Variants in CCDC88A observed in about 807,000 individuals in gnomAD.
CCDC88A encodes girdin.
CCDC88A carries 54 observed loss-of-function variants against 234.3 expected under a neutral mutation model. The ratio of observed to expected loss-of-function variants is 0.23; its 90% CI spans 0.19 to 0.29. The LOEUF (loss-of-function observed/expected upper bound fraction) is 0.29. Ranked by LOEUF, CCDC88A falls within the 10% of genes least tolerant of loss-of-function variation. CCDC88A has a pLI of 1.00. For missense variants in CCDC88A, 1,832 were observed against 2,123.4 expected (o/e 0.86, Z 2.70); for synonymous variants, 753 against 737.8 (o/e 1.02, Z -0.33).
At chr2:55,312,774 T>C (rs1682487575) in intron 22 of CCDC88A, 195 bp from the exon 23 acceptor site, 2 of 404,258 alleles carry the variant, frequency 4.9e-6, no homozygotes, top group African/African-American at 2.0e-5. Context: ...TCTCTCTATA[T>C]AAATATTTTC....
chr2:55,318,729 C>T lies in CCDC88A; in HGVS notation c.3324+114G>A, dbSNP rs527502394. On this transcript the variant is annotated intron_variant, in intron 19 of 32. Coordinates refer to ENST00000436346, the MANE Select transcript of CCDC88A (RefSeq NM_001365480.1). ...GCATGGCACTAAATAAAAATATTTT[C>T]ATTTATCTTTAAGTTCATTCACTAA... is the stretch of plus-strand genomic sequence containing the variant. 9.9e-6 allele frequency: 8 copies of T among 807,588 alleles called. No homozygotes were observed. The Admixed American group carries it at 1.5e-4, about 15-fold the overall frequency. 50.0% of individuals were successfully genotyped at this position (807,588 alleles called of 1,614,324 possible).
chr2:55,404,253 T>G (rs1679188527), intron 2 of CCDC88A: 1 of 152,208 alleles, frequency 6.6e-6, no homozygotes, highest in Non-Finnish European at 1.5e-5. Flanking sequence ...TCATAGAAAC[T>G]TACCTTAAGT....
In CCDC88A at chr2:55,288,477, C is replaced by A. The variant is rs1679216730; in HGVS notation, c.*2723G>T. On this transcript the variant is annotated 3_prime_UTR_variant, in exon 33 of 33. Transcript: ENST00000436346. ...ATTTGGTACAGTATCTTTTTCATTT[C>A]CTGACATAAACCATTAAGACAGCAC... The A allele has an allele frequency of 6.6e-6, 1 of 152,618 alleles. No individual in the cohort carries two copies. The highest frequency in any genetic ancestry group is 6.5e-5 in the Admixed American group (1 of 15,278). 9.5% of individuals were successfully genotyped at this position (152,618 alleles called of 1,614,324 possible). A position where few individuals can be genotyped will look rare whatever the true frequency, so the allele number is the denominator to read the frequency against.
In CCDC88A at chr2:55,335,410, A is replaced by C. The variant is rs760474289; in HGVS notation, c.1657-246T>G. Among the ~76,000 whole-genome samples the C allele has an allele frequency of 6.6e-6, 1 of 152,158 alleles. No individual in the cohort carries two copies. The highest frequency in any genetic ancestry group is 2.4e-5 in the African/African-American group (1 of 41,428). On this transcript the variant is annotated intron_variant, in intron 14 of 32. Coordinates refer to ENST00000436346, the MANE Select transcript of CCDC88A (RefSeq NM_001365480.1). The surrounding 1 kb of genome is among the most constrained non-coding windows in gnomAD (Gnocchi z 4.5). ...CATGTTTTTAGGAAGTTCACAGTTTAAAGGAACGGTTGAGAAATGTATTTT... is the reference window on the plus strand; with the variant it reads ...CATGTTTTTAGGAAGTTCACAGTTTCAAGGAACGGTTGAGAAATGTATTTT...
intron 2 of CCDC88A, among the ~76,000 whole-genome samples, chr2:55,411,462 C>T (rs900155646): frequency 3.3e-5 from 5 of 151,986 alleles, no homozygotes; most frequent in Admixed American, 6.6e-5. Flanking sequence ...CAGTCCAATA[C>T]AAAGCTGTGG....
chr2:55,339,572 T>C lies in CCDC88A; in HGVS notation c.1410A>G (p.Gln470=), dbSNP rs1367804504. Residue 470 remains glutamine (Q), a synonymous_variant, in exon 13 of 33, where the codon CAA becomes CAG. Transcript: ENST00000436346. The stretch of plus-strand genomic sequence containing the variant: ...GCTCTTCTACGGTTTTTGTCAAACT[T>C]TGATTTTCCATCTCTAGCTTCAATA... The part of the protein sequence containing the change: ...SRLLKLEMEN[Q]SLTKTVEELR... The C allele has an allele frequency of 6.2e-7, 1 of 1,613,912 alleles. No homozygotes were observed. The highest frequency in any genetic ancestry group is 1.7e-5 in the Admixed American group (1 of 59,988).
chr2:55,336,653 T>C, intron 14 of CCDC88A, 28 bp downstream of exon 14: 2 of 1,425,474 alleles, frequency 1.4e-6, no homozygotes, highest in Non-Finnish European at 1.9e-6. Flanking sequence ...TTAAAATACA[T>C]TGTTTACTTA....
rs1553431398 is a variant in CCDC88A, at chr2:55,390,053, A to AAAG, written c.165-1168_165-1167insCTT. Reference sequence around the variant, plus strand: ...GAGACTCAAAAAAAAAAAAAAATAAAAAATAAAGATAGAACATTTCAAAGT... The same window carrying AAAG: ...GAGACTCAAAAAAAAAAAAAAATAAAAAGAAATAAAGATAGAACATTTCAAAGT... On this transcript the variant is annotated intron_variant, in intron 2 of 32. Transcript: ENST00000436346. Among the ~76,000 whole-genome samples, 44 of 79,776 alleles carry AAAG rather than the reference A, an allele frequency of 5.5e-4. 10 individuals are homozygous for AAAG. Among genetic ancestry groups the AAAG allele is most frequent in the East Asian group, 2.2e-3 (4 of 1,852 alleles). The allele number at this position is 79,776 out of a possible 152,430, so 52.3% of individuals were successfully genotyped here.
chr2:55,326,051 T>G (rs544763854), intron 17 of CCDC88A, among the ~76,000 whole-genome samples: 23 of 152,368 alleles, frequency 1.5e-4, no homozygotes, highest in Non-Finnish European at 2.2e-4. Context: ...TCTCTGTCTT[T>G]TAACTGGGGT....
chr2:55,377,198 T>TTC (rs1363570597), intron 3 of CCDC88A, among the ~76,000 whole-genome samples: 4 of 148,842 alleles, frequency 2.7e-5, no homozygotes, highest in Non-Finnish European at 4.5e-5. Context: ...TATAGACTTT[T>TTC]TTTTTTTTTT....
At position 55,377,194 on chromosome 2, in the gene CCDC88A, C is replaced by CTTT. The variant is rs11443883; in HGVS notation, c.274-2314_274-2312dup. Among the ~76,000 whole-genome samples, 65 of 114,970 alleles carry CTTT rather than the reference C, an allele frequency of 5.7e-4. 1 individual carries two copies. The highest frequency in any genetic ancestry group is 5.4e-3 in the Middle Eastern group (1 of 184). The allele number at this position is 114,970 out of a possible 152,430, so 75.4% of individuals were successfully genotyped here. On this transcript the variant is annotated intron_variant, in intron 3 of 32. Coordinates refer to ENST00000436346, the MANE Select transcript of CCDC88A (RefSeq NM_001365480.1). ...AAATTATGAGGACTGTCACTATAGACTTTTTTTTTTTTTTTTTTTTGAGAC... is the reference window on the plus strand; with the variant it reads ...AAATTATGAGGACTGTCACTATAGACTTTTTTTTTTTTTTTTTTTTTTTGAGAC...
At chr2:55,376,646 T>C (rs1244373758) in intron 3 of CCDC88A, among the ~76,000 whole-genome samples, 1 of 152,216 alleles carries the variant, frequency 6.6e-6, no homozygotes, top group Non-Finnish European at 1.5e-5. Flanking sequence ...GAAAAGTACA[T>C]ACTCAATATA....
At chr2:55,316,136 A>G (rs765747248) in intron 21 of CCDC88A, 22 bp from the exon 22 acceptor site, 28 of 1,022,216 alleles carry the variant, frequency 2.7e-5, no homozygotes, top group Non-Finnish European at 3.8e-5. Flanking sequence ...AATCATAGAA[A>G]TATAATTAGA....
In CCDC88A at chr2:55,328,651, G is replaced by A. The variant is rs72923150; in HGVS notation, c.2856-216C>T. On this transcript the variant is annotated intron_variant, in intron 16 of 32. Coordinates refer to ENST00000436346, the MANE Select transcript of CCDC88A (RefSeq NM_001365480.1). The surrounding 1 kb of genome is among the most constrained non-coding windows in gnomAD (Gnocchi z 4.3). ...AAAATCATTGAGTGAACAGAGCTCCGGATTATGGCTTAGATTATCAAAAGC... is the reference window on the plus strand; with the variant it reads ...AAAATCATTGAGTGAACAGAGCTCCAGATTATGGCTTAGATTATCAAAAGC... The A allele has an allele frequency of 0.014, 4,809 of 345,402 alleles. 233 individuals are homozygous for A. Among genetic ancestry groups the A allele is most frequent in the African/African-American group, 0.093 (4,412 of 47,208 alleles). The allele number at this position is 345,402 out of a possible 1,614,324, so 21.4% of individuals were successfully genotyped here.
At chr2:55,320,655 G>A (rs1683506101) in intron 18 of CCDC88A, among the ~76,000 whole-genome samples, 1 of 152,100 alleles carries the variant, frequency 6.6e-6, no homozygotes, top group Non-Finnish European at 1.5e-5. Context: ...ATTTATAAAT[G>A]GCCAATAAAT....
At chr2:55,357,312 CTTCCTTCCTTCCTTCCTTCT>C (rs1670712569) in intron 7 of CCDC88A, among the ~76,000 whole-genome samples, 1 of 147,142 alleles carries the variant, frequency 6.8e-6, no homozygotes, top group South Asian at 2.1e-4. Context: ...TCAAAAATTC[CTTCCTTCCTTCCTTCCTTCT>C]TTCCTTCCTT....
In CCDC88A at chr2:55,331,499, A is replaced by G. The variant is rs571995822; in HGVS notation, c.2855+1067T>C. Among the ~76,000 whole-genome samples, 16 of 152,332 alleles carry G rather than the reference A, an allele frequency of 1.1e-4. No individual in the cohort carries two copies. The South Asian group carries it at 3.1e-3, about 30-fold the overall frequency. On this transcript the variant is annotated intron_variant, in intron 16 of 32. Coordinates refer to ENST00000436346, the MANE Select transcript of CCDC88A (RefSeq NM_001365480.1). ...TCCCAATATACATTTAATACAGAAT[A>G]TAAATACTGGAACAGTAATAATGAG...
chr2:55,354,297 A>T (rs556411670), intron 8 of CCDC88A, among the ~76,000 whole-genome samples: 34 of 151,388 alleles, frequency 2.2e-4, no homozygotes, highest in South Asian at 1.3e-3. Flanking sequence ...CGCCTGGCTA[A>T]TTTTTGTATT....
In CCDC88A at chr2:55,308,980, A is replaced by G. The variant is rs1681985463; in HGVS notation, c.4216T>C (p.Ser1406Pro). Residue 1406 changes from serine (S) to proline (P), a missense_variant, in exon 25 of 33, where the codon TCT (serine) becomes CCT (proline). By Grantham distance (74) the Ser-to-Pro change is moderately conservative. Transcript: ENST00000436346. The part of the protein sequence containing the change: ...ITLKMRKLIK[S>P]KKDINRERQK... ...CGTTCCCGATTAATATCTTTCTTAG[A>G]CTTTATCAATTTTCTCATTTTTAGA... 10 of 1,613,998 alleles carry G rather than the reference A, an allele frequency of 6.2e-6. No homozygotes were observed. Among genetic ancestry groups the G allele is most frequent in the Non-Finnish European group, 8.5e-6 (10 of 1,179,914 alleles).
Sources: allele counts gnomAD v4.1 joint callset (sites outside exome capture counted in the v4.1 genomes callset), GRCh38; gene constraint gnomAD v4.1.1; non-coding constraint Gnocchi (gnomAD v3.1); transcripts MANE v1.5; gene names NCBI Gene and HGNC (gene_info 2026-07-23, HGNC 2026-07-21).